The following GPD1L variants were observed in gnomAD, a reference collection of about 807,000 sequenced individuals.
GPD1L encodes the protein glycerol-3-phosphate dehydrogenase 1-like protein.
GPD1L carries 17 observed loss-of-function variants against 32.9 expected under a neutral mutation model. That is an observed-to-expected ratio of 0.52 (90% confidence interval 0.35 to 0.78). GPD1L has a LOEUF of 0.78. GPD1L is among the 30% of genes least tolerant of loss of function. The pLI is 0.01. For synonymous variants in GPD1L, 187 were observed against 165.9 expected (o/e 1.13, Z -0.98); for missense variants, 361 against 447.8 (o/e 0.81, Z 1.75).
Position 32,146,746 on chromosome 3 carries a change from C to T in GPD1L, c.618+12C>T, listed in dbSNP as rs759269217. 4 of 1,475,222 alleles carry T rather than the reference C, an allele frequency of 2.7e-6. No homozygotes were observed. Among genetic ancestry groups the T allele is most frequent in the Non-Finnish European group, 3.8e-6 (4 of 1,054,748 alleles). The allele number at this position is 1,475,222 out of a possible 1,614,324, so 91.4% of individuals were successfully genotyped here. On this transcript the variant is annotated intron_variant, in intron 5 of 7. Transcript: ENST00000282541. ...GTGGTGCGCTTAAGGTAAAGTCAGC[C>T]TCAGGGGAGGAGTTCATCAAGCAAG... is the stretch of plus-strand genomic sequence containing the variant.
At position 32,106,843 on chromosome 3, in the gene GPD1L, G is replaced by A; in HGVS notation, c.47+85G>A. On this transcript the variant is annotated intron_variant, in intron 1 of 7. Coordinates refer to ENST00000282541, the MANE Select transcript of GPD1L (RefSeq NM_015141.4). This position sits in a 1 kb window ranked among gnomAD's most constrained non-coding sequence, Gnocchi z 4.0. The stretch of plus-strand genomic sequence containing the variant: ...GTGAGGGCTGCGCGCCCCATGCTGC[G>A]GCGTGGGCACCGGGCACTGCGCGCA... The A allele has an allele frequency of 7.7e-7, 1 of 1,304,290 alleles. No individual in the cohort carries two copies. Among genetic ancestry groups the A allele is most frequent in the Non-Finnish European group, 1.0e-6 (1 of 975,634 alleles). 80.8% of individuals were successfully genotyped at this position (1,304,290 alleles called of 1,614,324 possible).
chr3:32,124,891 C>G (rs1278528308), intron 1 of GPD1L, among the ~76,000 whole-genome samples: 4 of 152,048 alleles, frequency 2.6e-5, no homozygotes, highest in Non-Finnish European at 5.9e-5. Context: ...CCACTGCACT[C>G]CAGCCTGGAG....
chr3:32,149,251 G>A (rs747214946), intron 5 of GPD1L, among the ~76,000 whole-genome samples: 8 of 152,006 alleles, frequency 5.3e-5, no homozygotes, highest in Non-Finnish European at 1.0e-4. Flanking sequence ...TGTAGAGATG[G>A]GGCCTCGCTG....
chr3:32,125,947 C>A (rs1159086149), intron 1 of GPD1L, among the ~76,000 whole-genome samples: 6 of 152,154 alleles, frequency 3.9e-5, no homozygotes, highest in Non-Finnish European at 7.4e-5. Context: ...ATTTTTTATC[C>A]TGTCACTTTA....
At position 32,155,253 on chromosome 3, in the gene GPD1L, G is replaced by GGGCC. The variant is rs1430062755; in HGVS notation, c.619-3622_619-3619dup. 2.6e-5 allele frequency among the ~76,000 whole-genome samples: 4 copies of GGGCC among 152,280 alleles called. No individual in the cohort carries two copies. In the East Asian group the frequency reaches 7.7e-4, roughly 29 times the overall value. On this transcript the variant is annotated intron_variant, in intron 5 of 7. Transcript: ENST00000282541. ...CTTTTACCAGTGAGGTGTTCTCAGT[G>GGGCC]GGCCACTAAACCTCTCTGAGCCTCA...
At chr3:32,138,811 G>A in intron 3 of GPD1L, 84 bp downstream of exon 3, 34 of 1,381,530 alleles carry the variant, frequency 2.5e-5, no homozygotes, top group Non-Finnish European at 3.5e-5. Flanking sequence ...CTTGAGATTT[G>A]GAGCTGAAGG....
At chr3:32,161,028 G>T (rs1054599069) in intron 7 of GPD1L, among the ~76,000 whole-genome samples, 3 of 152,196 alleles carry the variant, frequency 2.0e-5, no homozygotes, top group Admixed American at 6.5e-5. Flanking sequence ...CTAATTTAGA[G>T]CATGAGCTTC....
chr3:32,167,173 C>G lies in GPD1L; in HGVS notation c.*1263C>G, dbSNP rs1701159938. ...CCTAGGAAATGACTGTCCCAAGAGC[C>G]AGTGATTATTCCAGGTGTTCCCTGG... On this transcript the variant is annotated 3_prime_UTR_variant, in exon 8 of 8. Transcript: ENST00000282541. 6.6e-6 allele frequency: 1 copy of G among 152,188 alleles called. No homozygotes were observed. Among genetic ancestry groups the G allele is most frequent in the Non-Finnish European group, 1.5e-5 (1 of 68,060 alleles). The allele number at this position is 152,188 out of a possible 1,614,324, so 9.4% of individuals were successfully genotyped here.
chr3:32,146,642 G>C lies in GPD1L; in HGVS notation c.526G>C (p.Gly176Arg), dbSNP rs1443878552. Residue 176 changes from glycine (G) to arginine (R), a missense_variant, in exon 5 of 8, where the codon GGC becomes CGC. By Grantham distance (125) the Gly-to-Arg change is moderately radical (BLOSUM62 -2). Coordinates refer to ENST00000282541, the MANE Select transcript of GPD1L (RefSeq NM_015141.4). The part of the protein sequence containing the change: ...TTIGSKVMEN[G>R]LLFKELLQTP... ...AACAGGCAGCAAAGTAATGGAGAAC[G>C]GCCTTCTCTTCAAAGAACTTCTGCA... is the stretch of plus-strand genomic sequence containing the variant. The C allele has an allele frequency of 1.2e-6, 2 of 1,610,734 alleles. No homozygotes were observed. Among genetic ancestry groups the C allele is most frequent in the South Asian group, 2.2e-5 (2 of 91,010 alleles).
Position 32,149,532 on chromosome 3 carries a change from T to A in GPD1L, c.618+2798T>A, listed in dbSNP as rs200739763. Among the ~76,000 whole-genome samples, 23 of 152,332 alleles carry A rather than the reference T, an allele frequency of 1.5e-4. No homozygotes were observed. The East Asian group carries it at 2.9e-3, about 19-fold the overall frequency. Reference sequence around the variant, plus strand: ...GGATAAAATAGAAAATTCAAAGGATTTATGCATAATCATTTTGTACCAGTG... The same window carrying A: ...GGATAAAATAGAAAATTCAAAGGATATATGCATAATCATTTTGTACCAGTG... On this transcript the variant is annotated intron_variant, in intron 5 of 7. Transcript: ENST00000282541.
At chr3:32,156,610 A>G (rs894140357) in intron 5 of GPD1L, among the ~76,000 whole-genome samples, 9 of 152,070 alleles carry the variant, frequency 5.9e-5, no homozygotes, top group Non-Finnish European at 8.8e-5. Context: ...AGGAGGCCCA[A>G]TTGGATGTTT....
In GPD1L at chr3:32,168,139, T is replaced by C; in HGVS notation, c.*2229T>C. On this transcript the variant is annotated 3_prime_UTR_variant, in exon 8 of 8. Transcript: ENST00000282541. Reference sequence around the variant, plus strand: ...TGTTATTTCTTTACAAATGCCCTTGTAATTACCACTCTGAAGTCTGCTGAC... The same window carrying C: ...TGTTATTTCTTTACAAATGCCCTTGCAATTACCACTCTGAAGTCTGCTGAC... 6.6e-6 allele frequency: 1 copy of C among 152,322 alleles called. No individual in the cohort carries two copies. Among genetic ancestry groups the C allele is most frequent in the South Asian group, 2.1e-4 (1 of 4,832 alleles). 9.4% of individuals were successfully genotyped at this position (152,322 alleles called of 1,614,324 possible). A position where few individuals can be genotyped will look rare whatever the true frequency, so the allele number is the denominator to read the frequency against.
At chr3:32,139,977 G>A (rs1700716777) in intron 3 of GPD1L, among the ~76,000 whole-genome samples, 1 of 152,212 alleles carries the variant, frequency 6.6e-6, no homozygotes, top group South Asian at 2.1e-4. Flanking sequence ...GGTAGAAGGA[G>A]GATGAACTTG....
chr3:32,148,800 G>A (rs187963333), intron 5 of GPD1L, among the ~76,000 whole-genome samples: 2 of 152,186 alleles, frequency 1.3e-5, no homozygotes, highest in African/African-American at 2.4e-5. Context: ...ACACATGGCC[G>A]TATGTTGCTT....
rs12494332 is a variant in GPD1L, at chr3:32,109,954, G to A, written c.47+3196G>A. On this transcript the variant is annotated intron_variant, in intron 1 of 7. Transcript: ENST00000282541. ...TTTTCTTGAGACGGAGTCTCGCTCTGTCGCCCAGGCTAGAGTGCAGTGGCG... is the reference window on the plus strand; with the variant it reads ...TTTTCTTGAGACGGAGTCTCGCTCTATCGCCCAGGCTAGAGTGCAGTGGCG... Among the ~76,000 whole-genome samples the A allele has an allele frequency of 4.4e-3, 663 of 152,388 alleles. 2 individuals are homozygous for A. Among genetic ancestry groups the A allele is most frequent in the Non-Finnish European group, 6.9e-3 (472 of 68,042 alleles).
At chr3:32,148,715 T>G (rs761330585) in intron 5 of GPD1L, among the ~76,000 whole-genome samples, 1 of 152,224 alleles carries the variant, frequency 6.6e-6, no homozygotes, top group Non-Finnish European at 1.5e-5. Context: ...TGTGTACCAC[T>G]TGACTTTTCT....
chr3:32,115,057 G>A (rs547699045), intron 1 of GPD1L, among the ~76,000 whole-genome samples: 144 of 152,342 alleles, frequency 9.5e-4, no homozygotes, highest in Non-Finnish European at 1.7e-3. Flanking sequence ...GACCTGAGCC[G>A]GTTGCCACCA....
chr3:32,112,441 C>T (rs1330997107), intron 1 of GPD1L, among the ~76,000 whole-genome samples: 4 of 152,024 alleles, frequency 2.6e-5, no homozygotes, highest in Non-Finnish European at 5.9e-5. Context: ...TCAAGACCAG[C>T]CTAGACAACT....
At chr3:32,129,252 C>G (rs1700554735) in intron 2 of GPD1L, among the ~76,000 whole-genome samples, 2 of 152,148 alleles carry the variant, frequency 1.3e-5, no homozygotes, top group Admixed American at 1.3e-4. Flanking sequence ...TATTCACTCA[C>G]CAAACCTTAT....
Sources: gnomAD v4.1 joint callset for allele counts (sites outside exome capture counted in the v4.1 genomes callset) on GRCh38, gnomAD v4.1.1 for gene constraint, Gnocchi (gnomAD v3.1) non-coding constraint, MANE v1.5 for transcripts, NCBI Gene and HGNC (gene_info 2026-07-23, HGNC 2026-07-21) for gene names.